CGGBP1: variants seen among roughly 807,000 people sequenced by gnomAD.
CGGBP1 encodes the protein CGG triplet repeat binding protein 1.
Under a neutral mutation model 11.4 loss-of-function variants are expected in CGGBP1, and 4 were observed. That is an observed-to-expected ratio of 0.35 (90% CI 0.17 to 0.80). The LOEUF (loss-of-function observed/expected upper bound fraction) is 0.80. CGGBP1 is among the 30% of genes least tolerant of loss of function. The pLI, the probability that CGGBP1 is intolerant of heterozygous loss-of-function variation, is 0.52. For missense variants in CGGBP1, 135 were observed against 202.1 expected (o/e 0.67, Z 2.01); for synonymous variants, 76 against 74.1 (o/e 1.03, Z -0.13).
At chr3:88,099,132 CAA>C (rs1354304451) in intron 2 of CGGBP1, among the ~76,000 whole-genome samples, 4 of 152,168 alleles carry the variant, frequency 2.6e-5, no homozygotes, top group African/African-American at 7.2e-5. Flanking sequence ...GCAACTTCAG[CAA>C]AGTCTCAGGA....
chr3:88,094,389 T>G (rs878903823), intron 2 of CGGBP1, among the ~76,000 whole-genome samples: 1 of 152,116 alleles, frequency 6.6e-6, no homozygotes, highest in Non-Finnish European at 1.5e-5. Flanking sequence ...TATAGTTGTT[T>G]TATGAGCAAA....
intron 2 of CGGBP1, chr3:88,086,547 G>A (rs970000143): frequency 2.9e-5 from 21 of 729,924 alleles, no homozygotes; most frequent in Non-Finnish European, 3.8e-5. Flanking sequence ...AAGTATTCAG[G>A]TTTAATTTTG....
rs1164021788 is a variant in CGGBP1 at position 88,054,330 on chromosome 3, CAG to C, written c.*1141_*1142del. The C allele has an allele frequency of 1.3e-5, 2 of 152,284 alleles. No homozygotes were observed. The highest frequency in any genetic ancestry group is 4.8e-5 in the African/African-American group (2 of 41,450). 9.4% of individuals were successfully genotyped at this position (152,284 alleles called of 1,614,324 possible). ...ACCTTACAGGATAGTGAGGTTCAAA[CAG>C]AGATCATTTCCTGAACATGGCTGAT... On this transcript the variant is annotated 3_prime_UTR_variant, in exon 4 of 4. Transcript: ENST00000482016.
intron 2 of CGGBP1, among the ~76,000 whole-genome samples, chr3:88,093,646 A>G (rs1226988198): frequency 6.6e-6 from 1 of 152,232 alleles, no homozygotes; most frequent in African/African-American, 2.4e-5. Flanking sequence ...TAGACTACAC[A>G]TGTAATGTTA....
chr3:88,135,724 C>G (rs1706737835), intron 2 of CGGBP1, among the ~76,000 whole-genome samples: 1 of 152,058 alleles, frequency 6.6e-6, no homozygotes, highest in African/African-American at 2.4e-5. Context: ...ACTTGGGCCA[C>G]TTGCAAGTGA....
intron 2 of CGGBP1, among the ~76,000 whole-genome samples, chr3:88,072,210 T>C (rs1479489680): frequency 6.6e-6 from 1 of 152,222 alleles, no homozygotes; most frequent in Non-Finnish European, 1.5e-5. Flanking sequence ...CTAACTATTA[T>C]TTCTGTCTAT....
At chr3:88,107,694 AT>A (rs1190205032) in intron 2 of CGGBP1, among the ~76,000 whole-genome samples, 1 of 152,026 alleles carries the variant, frequency 6.6e-6, no homozygotes, top group Non-Finnish European at 1.5e-5. Context: ...GGTACTCTGG[AT>A]AATTTTTCAG....
Position 88,054,646 on chromosome 3 carries a change from T to C in CGGBP1, c.*827A>G, listed in dbSNP as rs1237632673. The C allele has an allele frequency of 6.6e-6, 1 of 152,438 alleles. No homozygotes were observed. Among genetic ancestry groups the C allele is most frequent in the Admixed American group, 6.6e-5 (1 of 15,266 alleles). The allele number at this position is 152,438 out of a possible 1,614,324, so 9.4% of individuals were successfully genotyped here. A position where few individuals can be genotyped will look rare whatever the true frequency, so the allele number is the denominator to read the frequency against. On this transcript the variant is annotated 3_prime_UTR_variant, in exon 4 of 4. Transcript: ENST00000482016. ...ATAAAGAGAAAACTCAACCATAAAA[T>C]GTCTGTTTAAGTAAAAATGCCAATC...
At chr3:88,068,683 T>C (rs1707335840) in intron 2 of CGGBP1, among the ~76,000 whole-genome samples, 1 of 152,178 alleles carries the variant, frequency 6.6e-6, no homozygotes, top group African/African-American at 2.4e-5. Flanking sequence ...TTGAATGCTT[T>C]CCATGAATCA....
At chr3:88,078,426 C>A (rs1441886858) in intron 2 of CGGBP1, among the ~76,000 whole-genome samples, 1 of 152,066 alleles carries the variant, frequency 6.6e-6, no homozygotes, top group African/African-American at 2.4e-5. Context: ...AAGTTTAAAT[C>A]TCATCCCAGG....
In CGGBP1 at chr3:88,066,582, A is replaced by AC. The variant is rs1387694839; in HGVS notation, c.-228-8360_-228-8359insG. On this transcript the variant is annotated intron_variant, in intron 2 of 3. Coordinates refer to the CGGBP1 transcript ENST00000462901. The stretch of plus-strand genomic sequence containing the variant: ...GTAAAACAAACAAACAAACAAACAA[A>AC]AAAAACAAAAAAACCTCAATTTTAA... 3.0e-3 allele frequency among the ~76,000 whole-genome samples: 455 copies of AC among 152,248 alleles called. 4 individuals are homozygous for AC. The highest frequency in any genetic ancestry group is 0.01 in the African/African-American group (431 of 41,524).
intron 2 of CGGBP1, among the ~76,000 whole-genome samples, chr3:88,068,826 A>T (rs1707343966): frequency 6.6e-6 from 1 of 152,152 alleles, no homozygotes; most frequent in Non-Finnish European, 1.5e-5. Context: ...TCCTGTACCT[A>T]GTATGTGATA....
chr3:88,073,485 C>T (rs1007544919), intron 2 of CGGBP1, among the ~76,000 whole-genome samples: 41 of 152,048 alleles, frequency 2.7e-4, no homozygotes, highest in Non-Finnish European at 4.4e-4. Flanking sequence ...AGTAAGCTAT[C>T]GAAGTATCCC....
chr3:88,098,450 A>C (rs1310427338), intron 2 of CGGBP1, among the ~76,000 whole-genome samples: 1 of 152,218 alleles, frequency 6.6e-6, no homozygotes, highest in Non-Finnish European at 1.5e-5. Flanking sequence ...CAATCAATAG[A>C]AAAAGAGGGA....
chr3:88,114,846 C>T (rs753460757), intron 2 of CGGBP1, among the ~76,000 whole-genome samples: 9 of 152,154 alleles, frequency 5.9e-5, no homozygotes, highest in South Asian at 2.1e-4. Context: ...TTGTATTTTC[C>T]AAGCTTATGA....
chr3:88,143,932 A>G (rs1312112117), intron 1 of CGGBP1: 7 of 152,066 alleles, frequency 4.6e-5, no homozygotes, highest in African/African-American at 9.7e-5. Flanking sequence ...AGGGTGCATA[A>G]ACTTCCAACA....
At chr3:88,124,993 A>G (rs536970093) in intron 2 of CGGBP1, among the ~76,000 whole-genome samples, 44 of 152,254 alleles carry the variant, frequency 2.9e-4, no homozygotes, top group Non-Finnish European at 5.0e-4. Context: ...AGGCAGGCGG[A>G]TCATGAGGTC....
At chr3:88,086,170 A>G (rs1045122732) in intron 2 of CGGBP1, 3 of 1,261,972 alleles carry the variant, frequency 2.4e-6, no homozygotes, top group African/African-American at 1.5e-5. Context: ...TAATATTTTA[A>G]TTTATCCAGT....
intron 2 of CGGBP1, among the ~76,000 whole-genome samples, chr3:88,112,851 T>A (rs1352997721): frequency 6.6e-6 from 1 of 152,038 alleles, no homozygotes; most frequent in Non-Finnish European, 1.5e-5. Context: ...TTGTATTGCA[T>A]TGTGGTCATT....
Sources: allele counts gnomAD v4.1 joint callset (sites outside exome capture counted in the v4.1 genomes callset), GRCh38; gene constraint gnomAD v4.1.1; transcripts MANE v1.5; gene names NCBI Gene and HGNC (gene_info 2026-07-23, HGNC 2026-07-21).